CA10: variants seen among roughly 807,000 people sequenced by gnomAD.
The protein encoded by CA10 is carbonic anhydrase 10 (inactive), also known as carbonic anhydrase-related protein 10.
CA10 carries 14 observed loss-of-function variants against 44.2 expected under a neutral mutation model. The observed-to-expected ratio is 0.32, with a 90% CI of 0.21 to 0.50. The LOEUF is 0.50. Ranked by LOEUF, CA10 falls within the 20% of genes least tolerant of loss-of-function variation. CA10 has a pLI of 0.99. For synonymous variants in CA10, 159 were observed against 141.6 expected, an observed-to-expected ratio of 1.12 and a Z score of -0.87; for missense variants, 350 against 409.7, an observed-to-expected ratio of 0.85 and a Z score of 1.26.
At chr17:51,635,513 CAAAAA>C (rs1334200070) in intron 7 of CA10, among the ~76,000 whole-genome samples, 1 of 148,744 alleles carries the variant, frequency 6.7e-6, no homozygotes, top group Admixed American at 6.7e-5. Flanking sequence ...GACTCCATCT[CAAAAA>C]AGAAAAAAAA....
chr17:51,802,625 A>G (rs1906979863), intron 3 of CA10, among the ~76,000 whole-genome samples: 1 of 151,138 alleles, frequency 6.6e-6, no homozygotes, highest in African/African-American at 2.4e-5. Context: ...GAAAAAGGAC[A>G]TCTGGGAATT....
chr17:51,757,673 C>T (rs1252598175), intron 3 of CA10, among the ~76,000 whole-genome samples: 1 of 152,160 alleles, frequency 6.6e-6, no homozygotes, highest in Non-Finnish European at 1.5e-5. Context: ...TATAGAAAAA[C>T]AGAAACAATT....
At chr17:51,806,372 C>G (rs759977) in intron 3 of CA10, among the ~76,000 whole-genome samples, 16,648 of 152,126 alleles carry the variant, frequency 0.11, 1,206 homozygotes, top group African/African-American at 0.21. Flanking sequence ...CCATAGAGCT[C>G]AATTTACACT....
At chr17:51,662,040 G>A (rs1043534593) in intron 4 of CA10, among the ~76,000 whole-genome samples, 4 of 152,166 alleles carry the variant, frequency 2.6e-5, no homozygotes, top group East Asian at 3.9e-4. Flanking sequence ...TTTTCTGACC[G>A]CTGCTAGTTT....
chr17:52,010,201 A>G (rs904490805), intron 2 of CA10, among the ~76,000 whole-genome samples: 1 of 152,036 alleles, frequency 6.6e-6, no homozygotes, highest in Admixed American at 6.6e-5. Flanking sequence ...GCGATTACTT[A>G]AAGAACTAAA....
chr17:51,773,803 CT>C lies in CA10; in HGVS notation c.280-25986del, dbSNP rs566651596. Among the ~76,000 whole-genome samples, 501 of 152,316 alleles carry C rather than the reference CT, an allele frequency of 3.3e-3. 3 individuals are homozygous for C. The highest frequency in any genetic ancestry group is 5.5e-3 in the Non-Finnish European group (371 of 68,012). ...CTGAATGTTTCAGGCATCTTGTATA[CT>C]TTTTCCTTCCTGCTTTCAGAACTCT... On this transcript the variant is annotated intron_variant, in intron 3 of 8. Coordinates refer to ENST00000451037, the MANE Select transcript of CA10 (RefSeq NM_020178.5).
chr17:51,719,137 A>G (rs1916272670), intron 4 of CA10, among the ~76,000 whole-genome samples: 1 of 152,230 alleles, frequency 6.6e-6, no homozygotes, highest in Non-Finnish European at 1.5e-5. Context: ...AAAATCTCAC[A>G]CAGTACTGGA....
At chr17:52,089,701 A>G (rs1988209843) in intron 1 of CA10, among the ~76,000 whole-genome samples, 1 of 152,082 alleles carries the variant, frequency 6.6e-6, no homozygotes, top group Non-Finnish European at 1.5e-5. Flanking sequence ...TAGAACAGTG[A>G]TAATATGAAA....
intron 4 of CA10, among the ~76,000 whole-genome samples, chr17:51,707,704 T>TGTGTGTG (rs1555587873): frequency 2.0e-5 from 3 of 151,448 alleles, no homozygotes; most frequent in African/African-American, 7.3e-5. Flanking sequence ...TGTGTGTGTG[T>TGTGTGTG]TTCTCATGTT....
At chr17:52,080,124 A>G (rs1387747311) in intron 1 of CA10, among the ~76,000 whole-genome samples, 1 of 152,184 alleles carries the variant, frequency 6.6e-6, no homozygotes, top group East Asian at 1.9e-4. Flanking sequence ...AGCCCGTATT[A>G]CTTTCATCTA....
At chr17:51,934,215 G>A (rs139291161) in intron 2 of CA10, among the ~76,000 whole-genome samples, 57 of 152,106 alleles carry the variant, frequency 3.7e-4, no homozygotes, top group East Asian at 3.3e-3. Context: ...CTTAGAGATC[G>A]TCTGACTTAA....
intron 1 of CA10, among the ~76,000 whole-genome samples, chr17:52,124,824 G>T (rs565525632): frequency 6.6e-6 from 1 of 152,126 alleles, no homozygotes; most frequent in East Asian, 1.9e-4. Context: ...ACTGAATGAG[G>T]CTTGCTCTCC....
intron 1 of CA10, among the ~76,000 whole-genome samples, chr17:52,129,666 A>C (rs1469347368): frequency 1.3e-5 from 2 of 152,242 alleles, no homozygotes; most frequent in African/African-American, 4.8e-5. Flanking sequence ...ATAAGTACAA[A>C]GTAAGTACTC....
intron 1 of CA10, among the ~76,000 whole-genome samples, chr17:52,114,762 G>A (rs1024524140): frequency 3.3e-5 from 5 of 151,962 alleles, no homozygotes; most frequent in African/African-American, 1.2e-4. Context: ...CCACTAATAC[G>A]ACCTAATTAT....
intron 2 of CA10, among the ~76,000 whole-genome samples, chr17:52,059,725 GACC>G (rs1442959380): frequency 3.4e-4 from 52 of 152,136 alleles, no homozygotes; most frequent in African/African-American, 1.2e-3. Flanking sequence ...GCTGAAATAT[GACC>G]TTACACAGTT....
At chr17:52,022,858 A>G (rs1254477015) in intron 2 of CA10, among the ~76,000 whole-genome samples, 1 of 152,116 alleles carries the variant, frequency 6.6e-6, no homozygotes, top group African/African-American at 2.4e-5. Context: ...CCTATTTACA[A>G]TAGCAACAAC....
At chr17:51,918,005 A>G (rs1055134837) in intron 3 of CA10, among the ~76,000 whole-genome samples, 1 of 152,172 alleles carries the variant, frequency 6.6e-6, no homozygotes, top group Non-Finnish European at 1.5e-5. Flanking sequence ...CTCTAAACCT[A>G]TGCTTAGACA....
In CA10 at chr17:51,805,504, T is replaced by C. The variant is rs533952379; in HGVS notation, c.280-57686A>G. 2.2e-4 allele frequency among the ~76,000 whole-genome samples: 34 copies of C among 152,348 alleles called. No homozygotes were observed. The Middle Eastern group carries it at 0.01, about 46-fold the overall frequency. On this transcript the variant is annotated intron_variant, in intron 3 of 8. Coordinates refer to ENST00000451037, the MANE Select transcript of CA10 (RefSeq NM_020178.5). Reference sequence around the variant, plus strand: ...ATCCTTTGGAGAACTTCCAAACTTATGGGTGCCTGGGCCCCATTCTCAGAT... The same window carrying C: ...ATCCTTTGGAGAACTTCCAAACTTACGGGTGCCTGGGCCCCATTCTCAGAT...
intron 3 of CA10, among the ~76,000 whole-genome samples, chr17:51,845,128 A>C (rs1365472063): frequency 6.6e-6 from 1 of 152,230 alleles, no homozygotes; most frequent in East Asian, 1.9e-4. Context: ...CAGAGGGAGC[A>C]CAGCTCTGCT....
Sources: allele counts gnomAD v4.1 joint callset (sites outside exome capture counted in the v4.1 genomes callset), GRCh38; gene constraint gnomAD v4.1.1; transcripts MANE v1.5; gene names NCBI Gene and HGNC (gene_info 2026-07-23, HGNC 2026-07-21).